The following PDIA6 variants were observed in gnomAD, a reference collection of about 807,000 sequenced individuals.
PDIA6 encodes protein disulfide-isomerase A6.
In PDIA6, 29 loss-of-function variants were observed where a neutral mutation model predicts 58.4. The ratio of observed to expected loss-of-function variants is 0.50; its 90% confidence interval spans 0.37 to 0.68. The LOEUF (loss-of-function observed/expected upper bound fraction) is 0.68. Among genes scored for constraint, PDIA6 ranks in the 30% least tolerant of loss-of-function variants. PDIA6 has a pLI of 0.00. For missense variants in PDIA6, 480 were observed against 551.0 expected, an observed-to-expected ratio of 0.87 and a Z score of 1.29; for synonymous variants, 192 against 202.6, an observed-to-expected ratio of 0.95 and a Z score of 0.44.
intron 10 of PDIA6, 52 bp from the exon 11 acceptor site, chr2:10,787,491 G>A (rs1351426733): frequency 1.5e-5 from 23 of 1,509,900 alleles, no homozygotes; most frequent in Admixed American, 2.0e-5. Context: ...AATTGCTTAC[G>A]ATCTAACTAG....
In PDIA6 at chr2:10,788,926, A is replaced by G; in HGVS notation, c.896T>C (p.Val299Ala). 1 of 1,614,086 alleles carries G rather than the reference A, an allele frequency of 6.2e-7. No individual in the cohort carries two copies. The highest frequency in any genetic ancestry group is 8.5e-7 in the Non-Finnish European group (1 of 1,179,888). ...ATCAAGGATATGGGGCAGCACAGCC[A>G]CAACACAGAGCTGGTGCTCCTCACA... ...RTCEEHQLCV[V>A]AVLPHILDTG... The change falls in exon 9 of 13, where the codon GTG becomes GCG. Residue 299 changes from valine to alanine, a missense_variant. Coordinates refer to ENST00000272227, the MANE Select transcript of PDIA6 (RefSeq NM_005742.4).
rs562426191 is a variant in PDIA6, at chr2:10,806,309, G to A, written c.20-3669C>T. Among the ~76,000 whole-genome samples the A allele has an allele frequency of 3.5e-3, 533 of 150,708 alleles. 4 individuals carry two copies. Among genetic ancestry groups the A allele is most frequent in the African/African-American group, 0.012 (507 of 41,090 alleles). ...CTGAGCCCAGGGAGGTCGAGGCTAC[G>A]GGTGCAGTGGGCTGTGATGCACCAC... On this transcript the variant is annotated intron_variant, in intron 1 of 12. Coordinates refer to ENST00000272227, the MANE Select transcript of PDIA6 (RefSeq NM_005742.4).
intron 11 of PDIA6, among the ~76,000 whole-genome samples, chr2:10,787,052 G>A (rs1198292805): frequency 6.6e-6 from 1 of 152,110 alleles, no homozygotes; most frequent in East Asian, 1.9e-4. Context: ...GGCGGCCCGA[G>A]GGTAGCAATG....
intron 1 of PDIA6, among the ~76,000 whole-genome samples, chr2:10,831,188 T>G (rs1010532151): frequency 1.3e-5 from 2 of 152,160 alleles, no homozygotes; most frequent in Non-Finnish European, 2.9e-5. Flanking sequence ...AGGGCGGGCG[T>G]TGATGAGCGC....
chr2:10,806,039 A>C lies in PDIA6; in HGVS notation c.20-3399T>G, dbSNP rs1489043744. On this transcript the variant is annotated intron_variant, in intron 1 of 12. Coordinates refer to ENST00000272227, the MANE Select transcript of PDIA6 (RefSeq NM_005742.4). The stretch of plus-strand genomic sequence containing the variant: ...TAAAGTATAATTAAAAAAAAAAAAA[A>C]AAAAACGAAAAAAACCTTACAGAAT... Among the ~76,000 whole-genome samples, 29 of 135,626 alleles carry C rather than the reference A, an allele frequency of 2.1e-4. 2 individuals carry two copies. Among genetic ancestry groups the C allele is most frequent in the South Asian group, 9.8e-4 (4 of 4,092 alleles). The allele number at this position is 135,626 out of a possible 152,430, so 89.0% of individuals were successfully genotyped here.
chr2:10,797,676 C>A (rs1191662507), intron 3 of PDIA6, 24 bp downstream of exon 3: 5 of 1,595,726 alleles, frequency 3.1e-6, no homozygotes, highest in Non-Finnish European at 4.3e-6. Flanking sequence ...TTTTGTAAGC[C>A]TTTTGCATTC....
At chr2:10,821,435 C>G (rs1487049598) in intron 1 of PDIA6, 3 of 152,496 alleles carry the variant, frequency 2.0e-5, no homozygotes, top group Non-Finnish European at 4.4e-5. Flanking sequence ...GGAGAGCAGT[C>G]CCCGATTTAC....
chr2:10,802,718 C>T, intron 1 of PDIA6, 78 bp from the exon 2 acceptor site: 7 of 1,169,520 alleles, frequency 6.0e-6, no homozygotes, highest in Non-Finnish European at 7.9e-6. Context: ...CCAGAGTCCT[C>T]TTTAACTGAC....
Position 10,788,568 on chromosome 2 carries a change from G to GAAAAA in PDIA6, c.998+124_998+128dup. 17 of 602,010 alleles carry GAAAAA rather than the reference G, an allele frequency of 2.8e-5. 1 individual carries two copies. Among genetic ancestry groups the GAAAAA allele is most frequent in the South Asian group, 8.0e-5 (4 of 49,690 alleles). 37.3% of individuals were successfully genotyped at this position (602,010 alleles called of 1,614,324 possible). A position where few individuals can be genotyped will look rare whatever the true frequency, so the allele number is the denominator to read the frequency against. ...CTACTTGGGAGGCTGAGGCAGGAGGGAAAAAAAAAAAAAACATATAGCAGA... is the reference window on the plus strand; with the variant it reads ...CTACTTGGGAGGCTGAGGCAGGAGGGAAAAAAAAAAAAAAAAAAACATATAGCAGA... On this transcript the variant is annotated intron_variant, in intron 10 of 12. Coordinates refer to ENST00000272227, the MANE Select transcript of PDIA6 (RefSeq NM_005742.4).
At chr2:10,831,290 A>G (rs1308987573) in intron 1 of PDIA6, among the ~76,000 whole-genome samples, 1 of 152,178 alleles carries the variant, frequency 6.6e-6, no homozygotes, top group Non-Finnish European at 1.5e-5. Flanking sequence ...TGCACATTGT[A>G]GTCTACGGCA....
intron 1 of PDIA6, among the ~76,000 whole-genome samples, chr2:10,809,645 CAAAAAAAAAAAAAAAA>C (rs56308831): frequency 1.5e-5 from 1 of 64,664 alleles, no homozygotes; most frequent in African/African-American, 5.2e-5. Flanking sequence ...GACCCGGTCT[CAAAAAAAAAAAAAAAA>C]AAAAAAAAAA....
In PDIA6 at chr2:10,812,757, C is replaced by G. The variant is rs996199647; in HGVS notation, c.-61G>C. The G allele has an allele frequency of 1.5e-4, 208 of 1,371,086 alleles. No individual in the cohort carries two copies. The highest frequency in any genetic ancestry group is 1.9e-4 in the Non-Finnish European group (200 of 1,061,544). The allele number at this position is 1,371,086 out of a possible 1,614,324, so 84.9% of individuals were successfully genotyped here. A position where few individuals can be genotyped will look rare whatever the true frequency, so the allele number is the denominator to read the frequency against. On this transcript the variant is annotated 5_prime_UTR_variant, in exon 1 of 13. Coordinates refer to ENST00000272227, the MANE Select transcript of PDIA6 (RefSeq NM_005742.4). ...CCGCCGCTTCAGCCCTGCAGCGTGCCGCACGCCGCGCCCCCGCGCCCACGT... is the reference window on the plus strand; with the variant it reads ...CCGCCGCTTCAGCCCTGCAGCGTGCGGCACGCCGCGCCCCCGCGCCCACGT...
At chr2:10,804,968 C>CTGTT (rs199593976) in intron 1 of PDIA6, among the ~76,000 whole-genome samples, 63,269 of 138,326 alleles carry the variant, frequency 0.46, 16,025 homozygotes, top group Non-Finnish European at 0.56. Flanking sequence ...ATTTGGCTCT[C>CTGTT]TGTCTGTTGT....
rs1429555274 is a variant in PDIA6, at chr2:10,820,753, CT to C, written c.-47-1400del. On this transcript the variant is annotated intron_variant, in intron 1 of 13. Transcript: ENST00000381611. Reference sequence around the variant, plus strand: ...GCTGGGGTGGCCCGAAGCCAGGGAGCTGGGCCAGTTCACTCACATGGCTGGA... The same window carrying C: ...GCTGGGGTGGCCCGAAGCCAGGGAGCGGGCCAGTTCACTCACATGGCTGGA... The C allele has an allele frequency of 1.7e-5, 12 of 702,894 alleles. No individual in the cohort carries two copies. The Admixed American group carries it at 2.4e-4, about 14-fold the overall frequency. 43.5% of individuals were successfully genotyped at this position (702,894 alleles called of 1,614,324 possible).
chr2:10,784,925 G>A lies in PDIA6; in HGVS notation c.1254+9C>T. On this transcript the variant is annotated intron_variant, in intron 12 of 12. Transcript: ENST00000272227. ...TGCTGCCCGCACAGCTTCCCTCCCG[G>A]GCACTCACCTCGCCATCCCTGCCGT... 6.4e-7 allele frequency: 1 copy of A among 1,562,800 alleles called. No individual in the cohort carries two copies. The highest frequency in any genetic ancestry group is 8.7e-7 in the Non-Finnish European group (1 of 1,148,078).
chr2:10,825,858 C>A (rs1473151199), intron 1 of PDIA6, among the ~76,000 whole-genome samples: 5 of 152,180 alleles, frequency 3.3e-5, no homozygotes, highest in Non-Finnish European at 5.9e-5. Context: ...GAAATTGGAA[C>A]CCTCCAACAC....
chr2:10,825,588 C>T (rs562692921), intron 1 of PDIA6, among the ~76,000 whole-genome samples: 81 of 152,192 alleles, frequency 5.3e-4, no homozygotes, highest in Admixed American at 9.2e-4. Flanking sequence ...TGGTAATGAA[C>T]TAGTATCTAG....
rs1409631166 is a variant in PDIA6 at position 10,785,157 on chromosome 2, G to GCA, written c.1158-129_1158-128dup. On this transcript the variant is annotated intron_variant, in intron 11 of 12. Coordinates refer to ENST00000272227, the MANE Select transcript of PDIA6 (RefSeq NM_005742.4). ...GCAGAGGCATTTCTTCTCTCTTGCTGCACTACATTCCTCAGAAACACCTTG... is the reference window on the plus strand; with the variant it reads ...GCAGAGGCATTTCTTCTCTCTTGCTGCACACTACATTCCTCAGAAACACCTTG... 4.5e-6 allele frequency: 3 copies of GCA among 662,132 alleles called. No individual in the cohort carries two copies. The East Asian group carries it at 8.3e-5, about 18-fold the overall frequency. 41.0% of individuals were successfully genotyped at this position (662,132 alleles called of 1,614,324 possible).
At chr2:10,835,264 G>T (rs1667807394), upstream of PDIA6, among the ~76,000 whole-genome samples, 1 of 152,206 alleles carries the variant, frequency 6.6e-6, no homozygotes, top group African/African-American at 2.4e-5. Flanking sequence ...GCCTGAGATG[G>T]TGGAAAGGCT....
Sources: allele counts gnomAD v4.1 joint callset (sites outside exome capture counted in the v4.1 genomes callset), GRCh38; gene constraint gnomAD v4.1.1; transcripts MANE v1.5; gene names NCBI Gene and HGNC (gene_info 2026-07-23, HGNC 2026-07-21).